DSCAM: variants seen among roughly 807,000 people sequenced by gnomAD.
DSCAM encodes cell adhesion molecule DSCAM.
DSCAM carries 47 observed loss-of-function variants against 217.7 expected under a neutral mutation model. That is an observed-to-expected ratio of 0.22 (90% CI 0.17 to 0.28). The LOEUF is 0.28. DSCAM is among the 10% of genes least tolerant of loss of function. DSCAM has a pLI of 1.00. For missense variants in DSCAM, 2,080 were observed against 2,618.3 expected, an observed-to-expected ratio of 0.79 and a Z score of 4.49; for synonymous variants, 1,056 against 1,015.3, an observed-to-expected ratio of 1.04 and a Z score of -0.76.
intron 3 of DSCAM, among the ~76,000 whole-genome samples, chr21:40,485,406 C>A (rs1229161193): frequency 6.6e-6 from 1 of 151,796 alleles, no homozygotes; most frequent in South Asian, 2.1e-4. Flanking sequence ...CCGCGCCCGG[C>A]TAATTTTTTG....
intron 3 of DSCAM, among the ~76,000 whole-genome samples, chr21:40,417,380 C>T (rs2075382289): frequency 1.3e-5 from 2 of 152,040 alleles, no homozygotes; most frequent in African/African-American, 4.8e-5. Context: ...AACCATTTTT[C>T]AAGACAATAA....
intron 3 of DSCAM, among the ~76,000 whole-genome samples, chr21:40,571,151 A>G (rs1326993780): frequency 6.6e-6 from 1 of 152,118 alleles, no homozygotes; most frequent in Non-Finnish European, 1.5e-5. Flanking sequence ...TGTTATATTT[A>G]GGGGAAGTAT....
intron 1 of DSCAM, among the ~76,000 whole-genome samples, chr21:40,713,047 T>C (rs1046014195): frequency 2.0e-5 from 3 of 152,188 alleles, no homozygotes; most frequent in Non-Finnish European, 2.9e-5. Context: ...TCAAAAGCTA[T>C]TGTCAATCTG....
intron 1 of DSCAM, among the ~76,000 whole-genome samples, chr21:40,807,054 C>A (rs1477253897): frequency 1.3e-5 from 2 of 152,032 alleles, no homozygotes; most frequent in African/African-American, 2.4e-5. Flanking sequence ...CATGTGTATA[C>A]CTATGTAACA....
At chr21:40,164,461 G>T (rs1206693299) in intron 16 of DSCAM, among the ~76,000 whole-genome samples, 1 of 152,150 alleles carries the variant, frequency 6.6e-6, no homozygotes, top group Admixed American at 6.5e-5. Flanking sequence ...GGACATGAAA[G>T]ATTTTAAAAT....
chr21:40,595,436 G>C (rs2146251312), intron 3 of DSCAM, among the ~76,000 whole-genome samples: 1 of 151,998 alleles, frequency 6.6e-6, no homozygotes, highest in Middle Eastern at 3.4e-3. Context: ...AGGGAGAGAA[G>C]AGAAAAAAGA....
intron 1 of DSCAM, among the ~76,000 whole-genome samples, chr21:40,741,523 G>A (rs1237153853): frequency 2.1e-5 from 3 of 140,454 alleles, no homozygotes; most frequent in Non-Finnish European, 4.8e-5. Context: ...GTGATTACTA[G>A]AAATGCAATA....
chr21:40,498,779 GTGTATATATATATATATATA>G lies in DSCAM; in HGVS notation c.509-129554_509-129535del, dbSNP rs1422990892. On this transcript the variant is annotated intron_variant, in intron 3 of 32. Transcript: ENST00000400454. ...TATGGGTGTATATATATATATGGGT[GTGTATATATATATATATATA>G]TATATATATATATATATATACCCAT... is the stretch of plus-strand genomic sequence containing the variant. Among the ~76,000 whole-genome samples, 6 of 70,134 alleles carry G rather than the reference GTGTATATATATATATATATA, an allele frequency of 8.6e-5. No individual in the cohort carries two copies. In the South Asian group the frequency reaches 1.9e-3, roughly 22 times the overall value. The allele number at this position is 70,134 out of a possible 152,430, so 46.0% of individuals were successfully genotyped here.
intron 28 of DSCAM, among the ~76,000 whole-genome samples, chr21:40,060,534 C>G (rs2089100409): frequency 6.6e-6 from 1 of 151,706 alleles, no homozygotes; most frequent in African/African-American, 2.4e-5. Context: ...GCTGAAGGAG[C>G]CCTGCTCAGT....
At position 40,081,232 on chromosome 21, in the gene DSCAM, G is replaced by A. The variant is rs140430955; in HGVS notation, c.4232-892C>T. On this transcript the variant is annotated intron_variant, in intron 24 of 32. Transcript: ENST00000400454. ...GCAGCCATGTTCCTTCTCCACCCTG[G>A]CTAGCTGGCCTGGAACATGGTGTGT... 4.2e-3 allele frequency among the ~76,000 whole-genome samples: 640 copies of A among 152,224 alleles called. 4 individuals carry two copies. The highest frequency in any genetic ancestry group is 0.015 in the African/African-American group (609 of 41,532).
intron 1 of DSCAM, among the ~76,000 whole-genome samples, chr21:40,785,617 A>G (rs1379748807): frequency 2.0e-5 from 3 of 152,206 alleles, no homozygotes; most frequent in Non-Finnish European, 2.9e-5. Flanking sequence ...CTTCCCGCCA[A>G]CCTCTGGGAT....
chr21:40,651,583 C>T (rs1210081149), intron 3 of DSCAM, among the ~76,000 whole-genome samples: 1 of 152,128 alleles, frequency 6.6e-6, no homozygotes, highest in Admixed American at 6.5e-5. Flanking sequence ...CTTTTCCCAA[C>T]CTAAAGAGTG....
chr21:40,189,089 G>A lies in DSCAM; in HGVS notation c.2506C>T (p.Leu836Phe). The A allele has an allele frequency of 6.2e-7, 1 of 1,614,140 alleles. No homozygotes were observed. The highest frequency in any genetic ancestry group is 8.5e-7 in the Non-Finnish European group (1 of 1,180,024). ...RIINPEMARY[L>F]VSTKEVGEEV... is the part of the protein sequence containing the mutation. ...TCTCCCACCTCCTTGGTGGACACAAGATAACGGGCCATCTCAGGGTTAATG... is the reference window on the plus strand; with the variant it reads ...TCTCCCACCTCCTTGGTGGACACAAAATAACGGGCCATCTCAGGGTTAATG... The change falls in exon 12 of 33, where the codon CTT becomes TTT. Residue 836 changes from leucine to phenylalanine, a missense_variant. Transcript: ENST00000400454.
At chr21:40,552,131 T>C (rs538442333) in intron 3 of DSCAM, among the ~76,000 whole-genome samples, 4 of 152,150 alleles carry the variant, frequency 2.6e-5, no homozygotes, top group East Asian at 3.9e-4. Flanking sequence ...CTGGCCAACA[T>C]AGTGAAACCC....
chr21:40,679,582 A>T (rs2090377614), intron 3 of DSCAM, among the ~76,000 whole-genome samples: 1 of 152,232 alleles, frequency 6.6e-6, no homozygotes, highest in South Asian at 2.1e-4. Flanking sequence ...TCAATAACTG[A>T]CATGTGCTAC....
In DSCAM at chr21:40,791,093, AGAATCGCTT is replaced by A. The variant is rs2091638376; in HGVS notation, c.43+55517_43+55525del. On this transcript the variant is annotated intron_variant, in intron 1 of 32. Coordinates refer to ENST00000400454, the MANE Select transcript of DSCAM (RefSeq NM_001389.5). ...CAGCTACTCAGGAGGCTAAGGCAGG[AGAATCGCTT>A]GAACCCAGGAGGCAGAGGTACTCCA... 2.0e-5 allele frequency among the ~76,000 whole-genome samples: 3 copies of A among 151,886 alleles called. No homozygotes were observed. The South Asian group carries it at 6.2e-4, about 32-fold the overall frequency.
At chr21:40,710,522 C>A (rs1272966738) in intron 1 of DSCAM, among the ~76,000 whole-genome samples, 1 of 152,180 alleles carries the variant, frequency 6.6e-6, no homozygotes, top group Non-Finnish European at 1.5e-5. Context: ...AAGTAAATAT[C>A]AGTGAATGCA....
At chr21:40,843,079 A>G (rs1363018798) in intron 1 of DSCAM, among the ~76,000 whole-genome samples, 1 of 152,190 alleles carries the variant, frequency 6.6e-6, no homozygotes, top group African/African-American at 2.4e-5. Flanking sequence ...CCTTACATAC[A>G]TTTATGTGAA....
At chr21:40,548,643 T>C (rs1223824216) in intron 3 of DSCAM, among the ~76,000 whole-genome samples, 1 of 152,188 alleles carries the variant, frequency 6.6e-6, no homozygotes, top group Non-Finnish European at 1.5e-5. Context: ...AGTTTTTTTC[T>C]TTCTCCTCTT....
Sources: allele counts gnomAD v4.1 joint callset (sites outside exome capture counted in the v4.1 genomes callset), GRCh38; gene constraint gnomAD v4.1.1; transcripts MANE v1.5; gene names NCBI Gene and HGNC (gene_info 2026-07-23, HGNC 2026-07-21).